Variants in LRBA observed in about 807,000 individuals in gnomAD.
The protein encoded by LRBA is lipopolysaccharide-responsive and beige-like anchor protein.
LRBA carries 176 observed loss-of-function variants against 330.0 expected under a neutral mutation model. The ratio of observed to expected loss-of-function variants is 0.53; its 90% CI spans 0.47 to 0.60. LRBA has a LOEUF of 0.60. Among genes scored for constraint, LRBA ranks in the 20% least tolerant of loss-of-function variants. LRBA has a pLI of 0.00. For synonymous variants in LRBA, 1,230 were observed against 1,193.0 expected, an observed-to-expected ratio of 1.03 and a Z score of -0.64; for missense variants, 3,259 against 3,444.8, an observed-to-expected ratio of 0.95 and a Z score of 1.35.
At chr4:150,756,882 T>C (rs1267217145) in intron 35 of LRBA, among the ~76,000 whole-genome samples, 3 of 152,130 alleles carry the variant, frequency 2.0e-5, no homozygotes, top group Non-Finnish European at 4.4e-5. Flanking sequence ...CTTTCAAGAA[T>C]AAGAAAACTC....
intron 17 of LRBA, among the ~76,000 whole-genome samples, chr4:150,880,474 C>G (rs544024478): frequency 6.7e-6 from 1 of 149,366 alleles, no homozygotes; most frequent in African/African-American, 2.5e-5. Context: ...GAGCTGTGAT[C>G]GTGCCACTGC....
intron 17 of LRBA, among the ~76,000 whole-genome samples, chr4:150,883,093 C>T (rs1289191955): frequency 1.3e-5 from 2 of 152,156 alleles, no homozygotes; most frequent in African/African-American, 4.8e-5. Flanking sequence ...TGTGCTTACA[C>T]CCCCATTTAA....
chr4:150,934,412 A>C (rs539418358), intron 2 of LRBA, among the ~76,000 whole-genome samples: 1 of 152,328 alleles, frequency 6.6e-6, no homozygotes, highest in South Asian at 2.1e-4. Flanking sequence ...ACAAACCTCT[A>C]CTATATAATA....
chr4:150,296,647 G>C (rs1729010510), intron 53 of LRBA, among the ~76,000 whole-genome samples: 1 of 151,636 alleles, frequency 6.6e-6, no homozygotes, highest in Non-Finnish European at 1.5e-5. Context: ...AGAAAAAATA[G>C]GGTTTAACTG....
At chr4:150,694,459 T>TAAAAAAAAAAAAAAAAAAAAAAA (rs1296371573) in intron 36 of LRBA, among the ~76,000 whole-genome samples, 1 of 7,490 alleles carries the variant, frequency 1.3e-4, no homozygotes, top group African/African-American at 2.1e-4. Flanking sequence ...GTGTGATCTT[T>TAAAAAAAAAAAAAAAAAAAAAAA]AACAAAAAAA....
At position 150,373,178 on chromosome 4, in the gene LRBA, A is replaced by T. The variant is rs1031131257; in HGVS notation, c.7195-23019T>A. Among the ~76,000 whole-genome samples the T allele has an allele frequency of 1.4e-3, 200 of 145,228 alleles. 2 individuals carry two copies. The highest frequency in any genetic ancestry group is 4.5e-3 in the African/African-American group (172 of 38,100). ...GTGTGTGTGTGTGTGTGTGTGAGAG[A>T]GAGAGAGAGAGAGAGAGAGAGAGAC... On this transcript the variant is annotated intron_variant, in intron 47 of 56. Transcript: ENST00000651943.
At chr4:150,673,782 G>C (rs1193330303) in intron 37 of LRBA, among the ~76,000 whole-genome samples, 1 of 152,072 alleles carries the variant, frequency 6.6e-6, no homozygotes, top group Non-Finnish European at 1.5e-5. Context: ...AATTCATGTG[G>C]TTGGTTTTTA....
chr4:150,613,811 T>C (rs570384447), intron 37 of LRBA, among the ~76,000 whole-genome samples: 6 of 152,358 alleles, frequency 3.9e-5, no homozygotes, highest in East Asian at 1.9e-4. Context: ...CCCTGATGAA[T>C]TGATTCTTGG....
chr4:150,662,471 A>C (rs928965726), intron 37 of LRBA, among the ~76,000 whole-genome samples: 1 of 152,152 alleles, frequency 6.6e-6, no homozygotes, highest in Admixed American at 6.5e-5. Context: ...AAACCAATTA[A>C]ATCCCTGGGG....
chr4:150,336,099 A>C (rs1249688615), intron 48 of LRBA, among the ~76,000 whole-genome samples: 1 of 152,166 alleles, frequency 6.6e-6, no homozygotes, highest in East Asian at 1.9e-4. Flanking sequence ...GGTACATGTG[A>C]AGGTGTGTTA....
At chr4:150,651,772 A>G (rs1779729260) in intron 37 of LRBA, among the ~76,000 whole-genome samples, 1 of 152,202 alleles carries the variant, frequency 6.6e-6, no homozygotes, top group South Asian at 2.1e-4. Context: ...TCTAAGAACA[A>G]TAAGCCCATG....
chr4:150,488,582 T>G (rs1758171925), intron 41 of LRBA, among the ~76,000 whole-genome samples: 1 of 151,494 alleles, frequency 6.6e-6, no homozygotes, highest in Non-Finnish European at 1.5e-5. Flanking sequence ...CTATAAATTT[T>G]TACCCATTTA....
At chr4:150,945,224 T>A (rs1736114740) in intron 2 of LRBA, among the ~76,000 whole-genome samples, 1 of 152,184 alleles carries the variant, frequency 6.6e-6, no homozygotes. Flanking sequence ...TATATAAATA[T>A]CTTCTATAAA....
intron 31 of LRBA, among the ~76,000 whole-genome samples, chr4:150,811,649 T>C (rs941742618): frequency 2.6e-5 from 4 of 152,112 alleles, no homozygotes; most frequent in Admixed American, 6.6e-5. Flanking sequence ...ATTACAGGCA[T>C]GTACCACCAC....
chr4:150,977,455 T>C (rs1452623147), intron 2 of LRBA, among the ~76,000 whole-genome samples: 2 of 152,026 alleles, frequency 1.3e-5, no homozygotes, highest in Admixed American at 1.3e-4. Flanking sequence ...ATTGATTACT[T>C]GCTGACTAAA....
intron 5 of LRBA, among the ~76,000 whole-genome samples, chr4:150,917,510 T>C (rs567724507): frequency 6.6e-6 from 1 of 152,290 alleles, no homozygotes; most frequent in South Asian, 2.1e-4. Context: ...AGAGGATTAG[T>C]TCATAATATT....
chr4:150,970,580 C>T (rs1251527074), intron 2 of LRBA: 2 of 145,178 alleles, frequency 1.4e-5, no homozygotes, highest in African/African-American at 5.0e-5. Flanking sequence ...CACACACACA[C>T]ACACACAAAA....
chr4:150,700,076 C>T (rs1483368684), intron 36 of LRBA, among the ~76,000 whole-genome samples: 2 of 151,916 alleles, frequency 1.3e-5, no homozygotes, highest in East Asian at 1.9e-4. Flanking sequence ...ACAAATATTC[C>T]AAAATCTTTA....
At chr4:150,773,689 T>C (rs1428826716) in intron 34 of LRBA, among the ~76,000 whole-genome samples, 1 of 152,244 alleles carries the variant, frequency 6.6e-6, no homozygotes, top group Non-Finnish European at 1.5e-5. Context: ...GCCTTTCCCA[T>C]CATAATAACC....
Sources: allele counts gnomAD v4.1 joint callset (sites outside exome capture counted in the v4.1 genomes callset), GRCh38; gene constraint gnomAD v4.1.1; transcripts MANE v1.5; gene names NCBI Gene and HGNC (gene_info 2026-07-23, HGNC 2026-07-21).